The following OGFOD1 variants were observed in gnomAD, a reference collection of about 807,000 sequenced individuals.
The protein encoded by OGFOD1 is prolyl 3-hydroxylase OGFOD1.
Under a neutral mutation model 67.7 loss-of-function variants are expected in OGFOD1, and 54 were observed. That is an observed-to-expected ratio of 0.80 (90% confidence interval 0.64 to 1.00). The LOEUF (loss-of-function observed/expected upper bound fraction) is 1.00, where lower values mean the gene tolerates loss of function less well. Ranked by LOEUF, OGFOD1 falls within the 50% of genes least tolerant of loss-of-function variation. The pLI is 0.00. For missense variants in OGFOD1, 606 were observed against 646.7 expected (o/e 0.94, Z 0.68); for synonymous variants, 221 against 227.0 (o/e 0.97, Z 0.24).
intron 4 of OGFOD1, among the ~76,000 whole-genome samples, chr16:56,465,038 TGCCCAG>T (rs1476017144): frequency 1.3e-5 from 2 of 151,994 alleles, no homozygotes; most frequent in Non-Finnish European, 2.9e-5. Context: ...CTCACTCTGT[TGCCCAG>T]GCTGGAATAC....
intron 10 of OGFOD1, among the ~76,000 whole-genome samples, chr16:56,474,486 A>G (rs1254443325): frequency 2.0e-5 from 3 of 151,730 alleles, no homozygotes; most frequent in African/African-American, 7.3e-5. Context: ...ACGCCTGGCT[A>G]ATTTTGTATT....
Position 56,470,806 on chromosome 16 carries a change from G to A in OGFOD1, c.1285+15G>A. Reference sequence around the variant, plus strand: ...AACAAAGAAAGGTAAGCTGTTGTTAGGATTTGTCCTTACTTACCATTAACC... The same window carrying A: ...AACAAAGAAAGGTAAGCTGTTGTTAAGATTTGTCCTTACTTACCATTAACC... On this transcript the variant is annotated intron_variant, in intron 10 of 12. Transcript: ENST00000566157. 6.4e-7 allele frequency: 1 copy of A among 1,560,462 alleles called. No homozygotes were observed. Among genetic ancestry groups the A allele is most frequent in the Non-Finnish European group, 8.7e-7 (1 of 1,155,928 alleles).
In OGFOD1 at chr16:56,474,917, G is replaced by T. The variant is rs772689324; in HGVS notation, c.1375G>T (p.Ala459Ser). 5.6e-6 allele frequency: 9 copies of T among 1,613,796 alleles called. No homozygotes were observed. The highest frequency in any genetic ancestry group is 7.6e-6 in the Non-Finnish European group (9 of 1,179,820). Residue 459 changes from alanine (A) to serine (S), a missense_variant, in exon 11 of 13, where the codon GCC becomes TCC. By Grantham distance (99) the Ala-to-Ser change is moderately conservative. Coordinates refer to ENST00000566157, the MANE Select transcript of OGFOD1 (RefSeq NM_018233.4). Reference sequence around the variant, plus strand: ...TCATGACCATAGCAAGGCTGAATTTGCCCTAGACTTAATTCTGTACTGTGG... The same window carrying T: ...TCATGACCATAGCAAGGCTGAATTTTCCCTAGACTTAATTCTGTACTGTGG... ...LIHDHSKAEF[A>S]LDLILYCGCE...
chr16:56,463,489 C>T (rs1351003169), intron 4 of OGFOD1, among the ~76,000 whole-genome samples: 1 of 132,938 alleles, frequency 7.5e-6, no homozygotes, highest in African/African-American at 2.8e-5. Flanking sequence ...GTGGCGTGAT[C>T]TCGGCCCACT....
At chr16:56,455,039 A>G (rs934266958) in intron 2 of OGFOD1, 4 of 171,806 alleles carry the variant, frequency 2.3e-5, no homozygotes, top group African/African-American at 9.6e-5. Flanking sequence ...AAACATCACA[A>G]TAATTTTTAC....
In OGFOD1 at chr16:56,478,089, C is replaced by T. The variant is rs1263856729; in HGVS notation, c.*1884C>T. On this transcript the variant is annotated 3_prime_UTR_variant, in exon 13 of 13. Transcript: ENST00000566157. ...ATGAGATAAAAAGAAATATCTAGAA[C>T]TAGTTCTAACATTGTCTTCCCCTAT... 1 of 152,144 alleles carries T rather than the reference C, an allele frequency of 6.6e-6. No individual in the cohort carries two copies. The highest frequency in any genetic ancestry group is 1.5e-5 in the Non-Finnish European group (1 of 68,018). The allele number at this position is 152,144 out of a possible 1,614,324, so 9.4% of individuals were successfully genotyped here.
intron 6 of OGFOD1, 32 bp from the exon 7 acceptor site, chr16:56,467,133 G>T (rs141403576): frequency 1.9e-6 from 3 of 1,613,850 alleles, no homozygotes; most frequent in South Asian, 1.1e-5. Flanking sequence ...CCTATTCTTC[G>T]TGTTGATGTG....
Position 56,453,257 on chromosome 16 carries a change from C to A in OGFOD1, c.155-6C>A. 6.2e-7 allele frequency: 1 copy of A among 1,603,428 alleles called. No homozygotes were observed. Reference sequence around the variant, plus strand: ...AAAGCCATAGATAATGTTTTTCTTCCAACAGAAGTCATTGTCATGGACATG... The same window carrying A: ...AAAGCCATAGATAATGTTTTTCTTCAAACAGAAGTCATTGTCATGGACATG... On this transcript the variant is annotated splice_polypyrimidine_tract_variant and splice_region_variant and intron_variant, in intron 1 of 12. Transcript: ENST00000566157.
intron 2 of OGFOD1, among the ~76,000 whole-genome samples, chr16:56,455,382 A>G (rs1962491479): frequency 1.3e-5 from 2 of 152,008 alleles, no homozygotes; most frequent in Admixed American, 6.6e-5. Context: ...AAAAAAAACA[A>G]AACTGGAAGA....
intron 10 of OGFOD1, among the ~76,000 whole-genome samples, chr16:56,474,447 G>A (rs1053579418): frequency 3.0e-4 from 46 of 150,860 alleles, no homozygotes; most frequent in African/African-American, 1.1e-3. Context: ...TAAGCCTCCC[G>A]GGTAGCTGGA....
At chr16:56,469,689 A>G (rs1596981618) in intron 8 of OGFOD1, among the ~76,000 whole-genome samples, 1 of 151,950 alleles carries the variant, frequency 6.6e-6, no homozygotes, top group African/African-American at 2.4e-5. Context: ...CATCTCTACT[A>G]AAAATACAAA....
Position 56,466,226 on chromosome 16 carries a change from G to T in OGFOD1, c.523G>T (p.Asp175Tyr), listed in dbSNP as rs1962893509. ...CATCCTGTACCTGGTTCCTCCCTGG[G>T]ACAGGAGCATGGGTGGTACCCTGGA... ...AFILYLVPPWDRSMGGTLDLY... is the reference protein window; with the variant it reads ...AFILYLVPPWYRSMGGTLDLY... The change falls in exon 5 of 13, where the codon GAC (aspartate) becomes TAC (tyrosine). Residue 175 changes from aspartate to tyrosine, a missense_variant. Coordinates refer to ENST00000566157, the MANE Select transcript of OGFOD1 (RefSeq NM_018233.4). 2.5e-6 allele frequency: 4 copies of T among 1,614,026 alleles called. No homozygotes were observed. Among genetic ancestry groups the T allele is most frequent in the Non-Finnish European group, 3.4e-6 (4 of 1,179,904 alleles).
At chr16:56,462,936 T>C (rs1353150170) in intron 4 of OGFOD1, among the ~76,000 whole-genome samples, 1 of 152,236 alleles carries the variant, frequency 6.6e-6, no homozygotes, top group Non-Finnish European at 1.5e-5. Flanking sequence ...TAAACTCTAT[T>C]CTTAGACTTC....
At chr16:56,468,150 A>G (rs893477344) in intron 8 of OGFOD1, 132 bp downstream of exon 8, 3 of 609,774 alleles carry the variant, frequency 4.9e-6, no homozygotes. Flanking sequence ...CCCTTCTTCA[A>G]GTGAAACATA....
chr16:56,461,954 G>A (rs1158022060), intron 3 of OGFOD1, among the ~76,000 whole-genome samples: 3 of 152,054 alleles, frequency 2.0e-5, no homozygotes, highest in East Asian at 1.9e-4. Context: ...TTAGCCGGGC[G>A]TGCTGGTGCA....
chr16:56,468,767 C>T (rs1466898650), intron 8 of OGFOD1, among the ~76,000 whole-genome samples: 1 of 152,034 alleles, frequency 6.6e-6, no homozygotes, highest in Non-Finnish European at 1.5e-5. Context: ...ATTCTCATGC[C>T]CTGGCTCTGT....
intron 10 of OGFOD1, among the ~76,000 whole-genome samples, chr16:56,471,079 C>T (rs1046782956): frequency 2.0e-5 from 3 of 151,764 alleles, no homozygotes; most frequent in South Asian, 4.2e-4. Flanking sequence ...AGGCCAGGTG[C>T]GGTGGCTTAC....
At chr16:56,465,637 A>G (rs575035558) in intron 4 of OGFOD1, 3 of 153,786 alleles carry the variant, frequency 2.0e-5, no homozygotes, top group African/African-American at 2.4e-5. Flanking sequence ...ATGTACAATA[A>G]TGTTCATTAA....
At chr16:56,454,375 G>A (rs539203314) in intron 2 of OGFOD1, among the ~76,000 whole-genome samples, 22 of 151,236 alleles carry the variant, frequency 1.5e-4, no homozygotes, top group African/African-American at 5.1e-4. Context: ...TTGAGTTCAT[G>A]TTTTTGTTTC....
Sources: allele counts gnomAD v4.1 joint callset (sites outside exome capture counted in the v4.1 genomes callset), GRCh38; gene constraint gnomAD v4.1.1; transcripts MANE v1.5; gene names NCBI Gene and HGNC (gene_info 2026-07-23, HGNC 2026-07-21).